Variants in CADPS observed in about 807,000 individuals in gnomAD.
The protein encoded by CADPS is calcium dependent secretion activator, also known as calcium-dependent secretion activator 1.
In CADPS, 57 loss-of-function variants were observed where a neutral mutation model predicts 167.3. That is an observed-to-expected ratio of 0.34 (90% CI 0.28 to 0.42). CADPS has a LOEUF of 0.42. CADPS is among the 20% of genes least tolerant of loss of function. The pLI is 1.00. For missense variants in CADPS, 1,414 were observed against 1,738.1 expected (o/e 0.81, Z 3.32); for synonymous variants, 676 against 635.3 (o/e 1.06, Z -0.96).
Position 62,662,357 on chromosome 3 carries a change from C to T in CADPS, c.926G>A (p.Arg309Gln). 6.2e-7 allele frequency: 1 copy of T among 1,614,006 alleles called. No homozygotes were observed. The highest frequency in any genetic ancestry group is 8.5e-7 in the Non-Finnish European group (1 of 1,179,914). The change falls in exon 4 of 30, where the codon CGA becomes CAA. Residue 309 changes from arginine (R) to glutamine (Q), a missense_variant. This residue lies in a region of CADPS where 522 missense variants were observed against 559.5 expected (regional missense o/e 0.93). Coordinates refer to ENST00000383710, the MANE Select transcript of CADPS (RefSeq NM_003716.4). ...NPDEQAAQIR[R>Q]ELDGRLQMAD... ...CATTTGTAGACGTCCATCCAGCTCTCGTCTGATCTGGGCTGCTTGCTCATC... is the reference window on the plus strand; with the variant it reads ...CATTTGTAGACGTCCATCCAGCTCTTGTCTGATCTGGGCTGCTTGCTCATC...
intron 23 of CADPS, among the ~76,000 whole-genome samples, chr3:62,477,746 G>C (rs2061504228): frequency 1.3e-5 from 2 of 152,122 alleles, no homozygotes; most frequent in African/African-American, 4.8e-5. Flanking sequence ...TTTTCAACAA[G>C]ACAACTACAA....
chr3:62,827,723 C>T (rs1270106018), intron 1 of CADPS, among the ~76,000 whole-genome samples: 1 of 152,108 alleles, frequency 6.6e-6, no homozygotes, highest in Non-Finnish European at 1.5e-5. Context: ...TGAATCAAAA[C>T]AACCATCTTG....
At position 62,851,929 on chromosome 3, in the gene CADPS, G is replaced by T. The variant is rs576519544; in HGVS notation, c.441+22660C>A. On this transcript the variant is annotated intron_variant, in intron 1 of 29. Transcript: ENST00000383710. ...AGGTACACAAATCAGACGTAGATTT[G>T]GTCTTTTCACATAGTTCCATATTTC... Among the ~76,000 whole-genome samples the T allele has an allele frequency of 2.8e-3, 431 of 151,546 alleles. 2 individuals are homozygous for T. Among genetic ancestry groups the T allele is most frequent in the African/African-American group, 9.8e-3 (404 of 41,164 alleles).
chr3:62,444,473 G>C (rs978400918), intron 27 of CADPS, among the ~76,000 whole-genome samples: 1 of 152,206 alleles, frequency 6.6e-6, no homozygotes, highest in African/African-American at 2.4e-5. Context: ...AACAGGGCCA[G>C]AAAATTTGAG....
chr3:62,720,066 G>T (rs1311792477), intron 3 of CADPS, among the ~76,000 whole-genome samples: 1 of 152,112 alleles, frequency 6.6e-6, no homozygotes, highest in Non-Finnish European at 1.5e-5. Flanking sequence ...ACACAACAAA[G>T]AAATAAACAC....
chr3:62,872,807 T>C (rs961852558), intron 1 of CADPS, among the ~76,000 whole-genome samples: 12 of 152,194 alleles, frequency 7.9e-5, no homozygotes, highest in African/African-American at 2.4e-4. Context: ...TCTCTAGACA[T>C]CTCCCCCACC....
Position 62,873,597 on chromosome 3 carries a change from C to A in CADPS, c.441+992G>T, listed in dbSNP as rs908910884. On this transcript the variant is annotated intron_variant, in intron 1 of 29. Transcript: ENST00000383710. Reference sequence around the variant, plus strand: ...CTCATCCCTTTCTCCAGCTAAAGAACAGCTGATAGAAATAGGCGCCTTTTT... The same window carrying A: ...CTCATCCCTTTCTCCAGCTAAAGAAAAGCTGATAGAAATAGGCGCCTTTTT... Among the ~76,000 whole-genome samples, 29 of 148,748 alleles carry A rather than the reference C, an allele frequency of 1.9e-4. No individual in the cohort carries two copies. The East Asian group carries it at 4.9e-3, about 25-fold the overall frequency.
intron 8 of CADPS, among the ~76,000 whole-genome samples, chr3:62,581,742 T>G (rs753331566): frequency 6.6e-6 from 1 of 151,996 alleles, no homozygotes; most frequent in Admixed American, 6.6e-5. Flanking sequence ...TACTTCAAGG[T>G]TTTTGGTCTG....
At chr3:62,762,729 T>C (rs1192751438) in intron 2 of CADPS, among the ~76,000 whole-genome samples, 1 of 151,264 alleles carries the variant, frequency 6.6e-6, no homozygotes, top group Non-Finnish European at 1.5e-5. Context: ...CTATTTTATA[T>C]CAGGGACTTG....
chr3:62,533,123 G>T, intron 12 of CADPS, 65 bp from the exon 13 acceptor site: 1 of 1,432,146 alleles, frequency 7.0e-7, no homozygotes, highest in Non-Finnish European at 9.7e-7. Flanking sequence ...AGCTGCTAGA[G>T]TTGGGAGTGG....
chr3:62,763,517 A>G (rs946675683), intron 2 of CADPS, among the ~76,000 whole-genome samples: 3 of 152,134 alleles, frequency 2.0e-5, no homozygotes, highest in African/African-American at 7.2e-5. Flanking sequence ...ATCCAGTATG[A>G]CCTAGGTATC....
In CADPS at chr3:62,803,790, G is replaced by A. The variant is rs150885389; in HGVS notation, c.442-37806C>T. On this transcript the variant is annotated intron_variant, in intron 1 of 29. Transcript: ENST00000383710. ...ATCCTCTCGTTTTCCCAGGATACGA[G>A]AGGATAATTTTCAGGGTAACTTCAA... is the stretch of plus-strand genomic sequence containing the variant. 1.9e-3 allele frequency among the ~76,000 whole-genome samples: 294 copies of A among 152,244 alleles called. 1 individual carries two copies. Among genetic ancestry groups the A allele is most frequent in the African/African-American group, 6.8e-3 (283 of 41,546 alleles).
chr3:62,548,208 T>C (rs191734624), intron 11 of CADPS, among the ~76,000 whole-genome samples: 1 of 152,222 alleles, frequency 6.6e-6, no homozygotes, highest in East Asian at 1.9e-4. Flanking sequence ...AAAGGAGGGA[T>C]TTTTGTCATA....
Position 62,816,916 on chromosome 3 carries a change from C to T in CADPS, c.442-50932G>A, listed in dbSNP as rs116126275. 7.5e-3 allele frequency among the ~76,000 whole-genome samples: 1,145 copies of T among 152,228 alleles called. 16 individuals carry two copies. The highest frequency in any genetic ancestry group is 0.026 in the African/African-American group (1,060 of 41,550). On this transcript the variant is annotated intron_variant, in intron 1 of 29. Transcript: ENST00000383710. ...AAGCCCAGGTTTTCCTCCTCCTCCT[C>T]ATCAAAATGTTCTAACCAGAGTTGT...
At chr3:62,787,021 T>C (rs569623187) in intron 1 of CADPS, among the ~76,000 whole-genome samples, 1 of 152,282 alleles carries the variant, frequency 6.6e-6, no homozygotes, top group African/African-American at 2.4e-5. Flanking sequence ...AAGCCGGGCA[T>C]AGTGGCTCAT....
In CADPS at chr3:62,766,012, G is replaced by A. The variant is rs765570049; in HGVS notation, c.442-28C>T. On this transcript the variant is annotated intron_variant, in intron 1 of 29. Coordinates refer to ENST00000383710, the MANE Select transcript of CADPS (RefSeq NM_003716.4). The stretch of plus-strand genomic sequence containing the variant: ...GTAAGAAACAGAAAAAGAGGGAAAT[G>A]TGAGAACTTGTCCTAGACAAGGATC... 20 of 1,482,430 alleles carry A rather than the reference G, an allele frequency of 1.3e-5. 1 individual carries two copies. In the East Asian group the frequency reaches 3.2e-4, roughly 23 times the overall value. 91.8% of individuals were successfully genotyped at this position (1,482,430 alleles called of 1,614,324 possible). A position where few individuals can be genotyped will look rare whatever the true frequency, so the allele number is the denominator to read the frequency against.
At chr3:62,449,905 T>C (rs1279933620) in intron 26 of CADPS, among the ~76,000 whole-genome samples, 3 of 152,176 alleles carry the variant, frequency 2.0e-5, no homozygotes, top group African/African-American at 4.8e-5. Flanking sequence ...AAACTCTGGC[T>C]TTGCCATTTT....
chr3:62,665,197 G>A (rs1432540794), intron 3 of CADPS, among the ~76,000 whole-genome samples: 2 of 152,172 alleles, frequency 1.3e-5, no homozygotes, highest in African/African-American at 2.4e-5. Context: ...CTGGGGTGAG[G>A]AATTGATGAT....
chr3:62,821,884 T>C (rs1370970011), intron 1 of CADPS, among the ~76,000 whole-genome samples: 2 of 152,112 alleles, frequency 1.3e-5, no homozygotes, highest in Non-Finnish European at 2.9e-5. Flanking sequence ...AAGAATTCAT[T>C]CCCAAACTCA....
Sources: gnomAD v4.1 joint callset for allele counts (sites outside exome capture counted in the v4.1 genomes callset) on GRCh38, gnomAD v4.1.1 for gene constraint, gnomAD v4.1.1 regional missense constraint, MANE v1.5 for transcripts, NCBI Gene and HGNC (gene_info 2026-07-23, HGNC 2026-07-21) for gene names.